Variants in MAPK6 observed in about 807,000 individuals in gnomAD.
The protein encoded by MAPK6 is ERK-3.
A neutral mutation model predicts 59.3 loss-of-function variants in MAPK6; 19 were observed. The ratio of observed to expected loss-of-function variants is 0.32; its 90% CI spans 0.22 to 0.47. The LOEUF (loss-of-function observed/expected upper bound fraction) is 0.47, where lower values mean the gene tolerates loss of function less well. Among genes scored for constraint, MAPK6 ranks in the 20% least tolerant of loss-of-function variants. The pLI, the probability that MAPK6 is intolerant of heterozygous loss-of-function variation, is 1.00. For synonymous variants in MAPK6, 316 were observed against 290.3 expected (o/e 1.09, Z -0.90); for missense variants, 724 against 847.9 (o/e 0.85, Z 1.81).
chr15:52,004,317 C>G (rs1186523097), exon 3 of MAPK6: 1 of 152,206 alleles, frequency 6.6e-6, no homozygotes. Flanking sequence ...AAGCCTTCAT[C>G]AGAAGCTTCT....
At chr15:51,977,775 G>A (rs2593196) in intron 1 of MAPK6, among the ~76,000 whole-genome samples, 7,191 of 151,620 alleles carry the variant, frequency 0.047, 411 homozygotes, top group African/African-American at 0.12. Context: ...GGCCTCAAGC[G>A]ATCCTCCCAC....
intron 2 of MAPK6, among the ~76,000 whole-genome samples, chr15:51,997,693 C>A (rs1301275921): frequency 2.7e-5 from 4 of 147,418 alleles, no homozygotes; most frequent in African/African-American, 7.6e-5. Context: ...CGGGTTCAAG[C>A]GATTCTCCTG....
At chr15:52,036,452 G>A (rs758506870) in intron 1 of MAPK6, among the ~76,000 whole-genome samples, 4 of 152,156 alleles carry the variant, frequency 2.6e-5, no homozygotes, top group Admixed American at 6.5e-5. Context: ...ATCTGGTGAG[G>A]GTCTCCTTTC....
intron 3 of MAPK6, among the ~76,000 whole-genome samples, chr15:52,006,211 C>T (rs749548593): frequency 3.9e-5 from 6 of 151,986 alleles, no homozygotes; most frequent in Non-Finnish European, 7.4e-5. Context: ...TTGCTAAGAA[C>T]GTGGAAAACA....
exon 1 of MAPK6, chr15:51,971,854 C>G (rs1219004388): frequency 1.7e-6 from 2 of 1,206,484 alleles, no homozygotes; most frequent in African/African-American, 3.0e-5. Context: ...GAAGACACTC[C>G]TTTCCTTACG....
At chr15:51,993,697 T>G (rs2057216336) in intron 2 of MAPK6, among the ~76,000 whole-genome samples, 1 of 152,140 alleles carries the variant, frequency 6.6e-6, no homozygotes. Flanking sequence ...ATATATTCCC[T>G]AGCTCTGTCC....
chr15:52,062,219 G>A (rs2032232521), intron 5 of MAPK6, among the ~76,000 whole-genome samples: 1 of 151,748 alleles, frequency 6.6e-6, no homozygotes, highest in African/African-American at 2.4e-5. Context: ...TAGTAGAGGT[G>A]GGATTTTATG....
chr15:51,972,622 G>C (rs1238847932), intron 1 of MAPK6, among the ~76,000 whole-genome samples: 7 of 145,430 alleles, frequency 4.8e-5, no homozygotes, highest in South Asian at 2.2e-4. Flanking sequence ...AGGAGATCGA[G>C]ACCATCCTGG....
In MAPK6 at chr15:52,064,787, G is replaced by C. The variant is rs756832443; in HGVS notation, c.1953G>C (p.Lys651Asn). ...MLETEPVEDG[K>N]LGERGHEEGF... ...AAACTGAGCCAGTAGAGGATGGGAA[G>C]CTTGGGGAGAGAGGACATGAGGAAG... Residue 651 changes from lysine to asparagine, a missense_variant, in exon 6 of 6, where the codon AAG becomes AAC. Lys to Asn is a moderately conservative substitution (Grantham distance 94). Transcript: ENST00000261845. 1 of 1,611,970 alleles carries C rather than the reference G, an allele frequency of 6.2e-7. No individual in the cohort carries two copies. Among genetic ancestry groups the C allele is most frequent in the South Asian group, 1.1e-5 (1 of 90,980 alleles).
intron 1 of MAPK6, among the ~76,000 whole-genome samples, chr15:52,034,586 A>G (rs2031173248): frequency 6.6e-6 from 1 of 152,164 alleles, no homozygotes; most frequent in African/African-American, 2.4e-5. Flanking sequence ...GATTACAGGC[A>G]TGAGCCACTG....
At chr15:52,017,494 A>T (rs1412437134), upstream of MAPK6, 1 of 152,128 alleles carries the variant, frequency 6.6e-6, no homozygotes, top group East Asian at 1.9e-4. Flanking sequence ...GGCTATTTTC[A>T]TTTTTTTTGT....
At chr15:52,018,506 C>T (rs1442057219), upstream of MAPK6, among the ~76,000 whole-genome samples, 1 of 152,232 alleles carries the variant, frequency 6.6e-6, no homozygotes, top group Non-Finnish European at 1.5e-5. Flanking sequence ...ACTGAAAAGG[C>T]TCCTTGGACT....
intron 1 of MAPK6, among the ~76,000 whole-genome samples, chr15:51,972,347 C>T (rs2057134331): frequency 6.6e-6 from 1 of 151,820 alleles, no homozygotes; most frequent in Admixed American, 6.6e-5. Context: ...CCGTGTTGCC[C>T]AGGCTGGTCG....
intron 3 of MAPK6, among the ~76,000 whole-genome samples, chr15:52,056,259 G>C (rs182512768): frequency 1.9e-4 from 29 of 152,270 alleles, no homozygotes; most frequent in Admixed American, 1.8e-3. Flanking sequence ...CCTCTTTCCT[G>C]CTGTAGCACT....
At chr15:51,971,880 T>C in exon 1 of MAPK6, 1 of 921,158 alleles carries the variant, frequency 1.1e-6, no homozygotes, top group Admixed American at 2.0e-5. Context: ...TAGTTTTCGC[T>C]CGCCCAGTGA....
At chr15:52,023,671 G>A (rs189101943) in intron 1 of MAPK6, among the ~76,000 whole-genome samples, 14 of 152,322 alleles carry the variant, frequency 9.2e-5, no homozygotes, top group East Asian at 3.9e-4. Context: ...GAGCGCAGTC[G>A]CGCCATCTCG....
At chr15:52,038,425 CTT>C (rs2031311406) in intron 1 of MAPK6, among the ~76,000 whole-genome samples, 1 of 152,156 alleles carries the variant, frequency 6.6e-6, no homozygotes, top group Admixed American at 6.5e-5. Flanking sequence ...AATGGTGTCA[CTT>C]TTGGATGGAA....
upstream of MAPK6, among the ~76,000 whole-genome samples, chr15:52,016,937 G>C (rs1348434659): frequency 6.6e-6 from 1 of 152,110 alleles, no homozygotes; most frequent in Non-Finnish European, 1.5e-5. Flanking sequence ...CCAGCTACTC[G>C]GGAGGCTGAG....
intron 2 of MAPK6, among the ~76,000 whole-genome samples, chr15:52,002,614 C>T (rs1005196010): frequency 1.3e-5 from 2 of 152,214 alleles, no homozygotes; most frequent in Non-Finnish European, 2.9e-5. Context: ...GTTAACCCCA[C>T]ACAGGAATCT....
Sources: gnomAD v4.1 joint callset for allele counts (sites outside exome capture counted in the v4.1 genomes callset) on GRCh38, gnomAD v4.1.1 for gene constraint, MANE v1.5 for transcripts, NCBI Gene and HGNC (gene_info 2026-07-23, HGNC 2026-07-21) for gene names.